The following EFCAB5 variants were observed in gnomAD, a reference collection of about 807,000 sequenced individuals.
EFCAB5 encodes EF-hand calcium binding domain 5, also known as EF-hand calcium-binding domain-containing protein 5.
Under a neutral mutation model 167.9 loss-of-function variants are expected in EFCAB5, and 131 were observed. The observed-to-expected ratio is 0.78, with a 90% CI of 0.68 to 0.90. The LOEUF is 0.90. EFCAB5 is among the 40% of genes least tolerant of loss of function. The pLI, the probability that EFCAB5 is intolerant of heterozygous loss-of-function variation, is 0.00. For synonymous variants in EFCAB5, 574 were observed against 602.8 expected (o/e 0.95, Z 0.70); for missense variants, 1,663 against 1,745.2 (o/e 0.95, Z 0.84).
intron 7 of EFCAB5, among the ~76,000 whole-genome samples, chr17:30,009,562 G>A (rs1050773474): frequency 2.6e-5 from 4 of 152,132 alleles, no homozygotes; most frequent in Non-Finnish European, 5.9e-5. Context: ...GCATGTATCA[G>A]TACTTCATTT....
intron 13 of EFCAB5, 38 bp from the exon 14 acceptor site, chr17:30,059,507 T>C (rs1003443259): frequency 3.2e-6 from 5 of 1,539,988 alleles, no homozygotes; most frequent in Non-Finnish European, 4.4e-6. Context: ...ACAATGAACA[T>C]ATATCTTCCG....
At chr17:30,107,773 A>G (rs964171883) in intron 22 of EFCAB5, 61 bp from the exon 23 acceptor site, 5 of 1,330,744 alleles carry the variant, frequency 3.8e-6, no homozygotes, top group Non-Finnish European at 3.9e-6. Flanking sequence ...TAGAACTTAT[A>G]ATTTTAATAG....
intron 6 of EFCAB5, among the ~76,000 whole-genome samples, chr17:29,996,984 G>T (rs772777245): frequency 2.0e-5 from 3 of 152,086 alleles, no homozygotes; most frequent in African/African-American, 7.2e-5. Flanking sequence ...AGTGGCTCAC[G>T]CCTGTAATCC....
At chr17:30,075,578 C>T (rs1259642450) in intron 14 of EFCAB5, among the ~76,000 whole-genome samples, 1 of 152,202 alleles carries the variant, frequency 6.6e-6, no homozygotes, top group East Asian at 1.9e-4. Flanking sequence ...CAAGATTAAA[C>T]ACCCCATGTT....
chr17:30,055,073 G>A (rs1165841206), intron 10 of EFCAB5, among the ~76,000 whole-genome samples: 2 of 152,104 alleles, frequency 1.3e-5, no homozygotes, highest in East Asian at 3.9e-4. Context: ...TGAGACGGGT[G>A]GATCGCTTGA....
intron 7 of EFCAB5, among the ~76,000 whole-genome samples, chr17:30,017,436 C>T (rs900790284): frequency 4.7e-5 from 7 of 148,096 alleles, no homozygotes; most frequent in African/African-American, 1.3e-4. Flanking sequence ...TTATATACTA[C>T]GCCACTACAG....
chr17:30,094,741 G>T (rs1258747130), intron 22 of EFCAB5, among the ~76,000 whole-genome samples: 1 of 152,118 alleles, frequency 6.6e-6, no homozygotes, highest in East Asian at 1.9e-4. Context: ...CTAGGCAGCT[G>T]TGTCTTGCCT....
intron 4 of EFCAB5, among the ~76,000 whole-genome samples, chr17:29,979,134 G>A (rs554645055): frequency 1.3e-5 from 2 of 152,132 alleles, no homozygotes; most frequent in South Asian, 2.1e-4. Context: ...GGTGGATCAC[G>A]AGGTCAGGAG....
intron 7 of EFCAB5, among the ~76,000 whole-genome samples, chr17:30,001,445 C>A (rs1019968207): frequency 1.3e-5 from 2 of 152,120 alleles, no homozygotes; most frequent in African/African-American, 4.8e-5. Context: ...ATATTAGTTT[C>A]CCTAAAAGTA....
intron 7 of EFCAB5, among the ~76,000 whole-genome samples, chr17:30,017,902 A>G (rs1460709565): frequency 6.6e-6 from 1 of 152,168 alleles, no homozygotes; most frequent in Non-Finnish European, 1.5e-5. Context: ...AAATGGATCC[A>G]AGGCTCATTT....
intron 7 of EFCAB5, among the ~76,000 whole-genome samples, chr17:30,023,711 G>A (rs899501222): frequency 2.0e-5 from 3 of 151,904 alleles, no homozygotes; most frequent in East Asian, 3.9e-4. Context: ...TACCAAAGCC[G>A]GGCAGAGACA....
At chr17:30,005,305 C>T (rs1432395358) in intron 7 of EFCAB5, among the ~76,000 whole-genome samples, 3 of 152,102 alleles carry the variant, frequency 2.0e-5, no homozygotes, top group Non-Finnish European at 2.9e-5. Context: ...CAAGCCACTG[C>T]ACTCCAGCCT....
rs369808652 is a variant in EFCAB5 at position 30,034,232 on chromosome 17, C to T, written c.1047C>T (p.Tyr349=). The T allele has an allele frequency of 1.4e-4, 220 of 1,613,536 alleles. No individual in the cohort carries two copies. The highest frequency in any genetic ancestry group is 1.7e-4 in the Non-Finnish European group (205 of 1,179,752). Residue 349 remains tyrosine (Y), a splice_region_variant and synonymous_variant, in exon 8 of 23, where the codon TAC becomes TAT. Transcript: ENST00000394835. ...ATCCTCTTTTTTTTCCCCTGTAGTA[C>T]ATCTCTTCACATATTAAAGACTTGA... ...PRLNKMEFTE[Y]ISSHIKDLKS...
At chr17:30,022,490 CATT>C (rs1452664164) in intron 7 of EFCAB5, among the ~76,000 whole-genome samples, 1 of 152,034 alleles carries the variant, frequency 6.6e-6, no homozygotes, top group Non-Finnish European at 1.5e-5. Flanking sequence ...CAGATGCAAA[CATT>C]ATAAACTAGT....
In EFCAB5 at chr17:29,968,930, A is replaced by C. The variant is rs778166365; in HGVS notation, c.330A>C (p.Pro110=). 6.3e-7 allele frequency: 1 copy of C among 1,584,678 alleles called. No homozygotes were observed. The highest frequency in any genetic ancestry group is 1.8e-5 in the Admixed American group (1 of 54,906). ...ALDETELKSK[P]EHTWKKNLFE... ...ATGAAACTGAACTGAAATCAAAGCC[A>C]GAGCACACATGGAAGAAAAACCTTT... is the stretch of plus-strand genomic sequence containing the variant. Residue 110 remains proline, a synonymous_variant, in exon 4 of 23, where the codon CCA becomes CCC. Coordinates refer to ENST00000394835, the MANE Select transcript of EFCAB5 (RefSeq NM_198529.4).
At chr17:30,057,967 T>A in intron 13 of EFCAB5, 77 bp downstream of exon 13, 9 of 1,323,120 alleles carry the variant, frequency 6.8e-6, no homozygotes, top group Non-Finnish European at 9.3e-6. Context: ...TTGCTCCCGA[T>A]GTGGCTCGTG....
At chr17:30,073,837 G>T in intron 14 of EFCAB5, 1 of 434,154 alleles carries the variant, frequency 2.3e-6, no homozygotes, top group South Asian at 5.5e-5. Flanking sequence ...GAGGCAGGAA[G>T]ATTGCTTGAG....
chr17:29,967,423 A>C (rs542782357), intron 3 of EFCAB5, among the ~76,000 whole-genome samples: 3 of 152,324 alleles, frequency 2.0e-5, no homozygotes, highest in Non-Finnish European at 4.4e-5. Context: ...CCTGATGATT[A>C]GCTCAAATGG....
chr17:30,051,060 T>A, intron 8 of EFCAB5, 58 bp from the exon 9 acceptor site: 1 of 1,490,312 alleles, frequency 6.7e-7, no homozygotes, highest in Non-Finnish European at 9.3e-7. Context: ...ACGTTCCAAC[T>A]GCATAAAAAT....
Sources: gnomAD v4.1 joint callset for allele counts (sites outside exome capture counted in the v4.1 genomes callset) on GRCh38, gnomAD v4.1.1 for gene constraint, MANE v1.5 for transcripts, NCBI Gene and HGNC (gene_info 2026-07-23, HGNC 2026-07-21) for gene names.